DLC1: variants seen among roughly 807,000 people sequenced by gnomAD.
DLC1 encodes the protein rho GTPase-activating protein 7.
DLC1 carries 54 observed loss-of-function variants against 140.3 expected under a neutral mutation model. The observed-to-expected ratio is 0.38, with a 90% CI of 0.31 to 0.48. The LOEUF is 0.48. DLC1 is among the 20% of genes least tolerant of loss of function. DLC1 has a pLI of 0.96. For missense variants in DLC1, 2,536 were observed against 1,907.0 expected (o/e 1.33, Z -6.14); for synonymous variants, 986 against 728.1 (o/e 1.35, Z -5.70).
chr8:13,596,066 A>C (rs1185004350), intron 1 of DLC1, among the ~76,000 whole-genome samples: 1 of 152,084 alleles, frequency 6.6e-6, no homozygotes, highest in Non-Finnish European at 1.5e-5. Context: ...AATAAGTTTT[A>C]AACTAAGTTT....
At chr8:13,217,850 AC>A (rs200495947) in intron 5 of DLC1, among the ~76,000 whole-genome samples, 7,833 of 139,018 alleles carry the variant, frequency 0.056, 496 homozygotes, top group African/African-American at 0.16. Flanking sequence ...AAAAAAAACA[AC>A]AACAAAAAAA....
At position 13,085,383 on chromosome 8, in the gene DLC1, A is replaced by C. The variant is rs966849849; in HGVS notation, c.*428T>G. On this transcript the variant is annotated 3_prime_UTR_variant, in exon 18 of 18. Coordinates refer to ENST00000276297, the MANE Select transcript of DLC1 (RefSeq NM_182643.3). ...CCTCTGTGCAAACCTTTCTTTGCTCATCTTGGTGAGAAAACACATCCAAGA... is the reference window on the plus strand; with the variant it reads ...CCTCTGTGCAAACCTTTCTTTGCTCCTCTTGGTGAGAAAACACATCCAAGA... The C allele has an allele frequency of 6.4e-6, 1 of 156,410 alleles. No homozygotes were observed. Among genetic ancestry groups the C allele is most frequent in the South Asian group, 2.0e-4 (1 of 5,046 alleles). The allele number at this position is 156,410 out of a possible 1,614,324, so 9.7% of individuals were successfully genotyped here.
chr8:13,453,412 ATATATATATATGTGTATATATATATG>A (rs1563359596), intron 2 of DLC1, among the ~76,000 whole-genome samples: 5 of 52,138 alleles, frequency 9.6e-5, no homozygotes, highest in African/African-American at 5.9e-4. Context: ...GTGTATATAT[ATATATATATATGTGTATATATATATG>A]TATATATATA....
At chr8:13,553,212 ATATATATATATATATG>A (rs1187853625) in intron 1 of DLC1, among the ~76,000 whole-genome samples, 3,494 of 70,570 alleles carry the variant, frequency 0.05, 117 homozygotes, top group Non-Finnish European at 0.06. Flanking sequence ...TCATATATAT[ATATATATATATATATG>A]TATATATATA....
At chr8:13,543,471 C>A (rs926153496) in intron 1 of DLC1, among the ~76,000 whole-genome samples, 1 of 152,188 alleles carries the variant, frequency 6.6e-6, no homozygotes, top group African/African-American at 2.4e-5. Context: ...AATTGTAGAT[C>A]TATTTTTAGT....
intron 4 of DLC1, among the ~76,000 whole-genome samples, chr8:13,360,328 C>T (rs1311559617): frequency 2.0e-5 from 3 of 152,172 alleles, no homozygotes; most frequent in African/African-American, 7.2e-5. Flanking sequence ...CTGCCAGGGC[C>T]TCACTGCAAA....
chr8:13,495,151 A>G (rs1482123420), intron 2 of DLC1, among the ~76,000 whole-genome samples: 1 of 152,230 alleles, frequency 6.6e-6, no homozygotes, highest in Admixed American at 6.5e-5. Flanking sequence ...GCAAATAAAC[A>G]TATGTTCAGA....
intron 4 of DLC1, among the ~76,000 whole-genome samples, chr8:13,379,052 A>G (rs1046516207): frequency 3.7e-4 from 56 of 152,226 alleles, no homozygotes; most frequent in African/African-American, 1.3e-3. Flanking sequence ...TGGTTTGATG[A>G]TAACATTTTA....
At chr8:13,323,532 G>T (rs1833213438) in intron 4 of DLC1, among the ~76,000 whole-genome samples, 1 of 152,064 alleles carries the variant, frequency 6.6e-6, no homozygotes, top group Non-Finnish European at 1.5e-5. Context: ...TGCTTGGGTT[G>T]ATGGTCATCC....
Position 13,263,794 on chromosome 8 carries a change from T to C in DLC1, c.1348+41475A>G, listed in dbSNP as rs955398893. ...TAATGATTAGCATTCTAATATACCA[T>C]TGGTGGATGTGTAATATATGTTGAA... On this transcript the variant is annotated intron_variant, in intron 5 of 17. Transcript: ENST00000276297. 2.3e-4 allele frequency among the ~76,000 whole-genome samples: 35 copies of C among 151,746 alleles called. 1 individual carries two copies. The highest frequency in any genetic ancestry group is 1.5e-3 in the South Asian group (7 of 4,816).
intron 5 of DLC1, among the ~76,000 whole-genome samples, chr8:13,198,803 A>T (rs190990906): frequency 7.3e-5 from 11 of 150,250 alleles, no homozygotes; most frequent in African/African-American, 2.7e-4. Flanking sequence ...TGCAACCCCT[A>T]CCTCCTGGGT....
intron 4 of DLC1, among the ~76,000 whole-genome samples, chr8:13,312,386 A>AAAAAAAAAAAAAATAATAAT (rs71207139): frequency 1.2e-3 from 102 of 81,696 alleles, no homozygotes; most frequent in Non-Finnish European, 1.8e-3. Flanking sequence ...AAAAAAAAAA[A>AAAAAAAAAAAAAATAATAAT]AATAATTTCT....
At chr8:13,351,675 G>A (rs1729129) in intron 4 of DLC1, among the ~76,000 whole-genome samples, 1 of 152,170 alleles carries the variant, frequency 6.6e-6, no homozygotes, top group Non-Finnish European at 1.5e-5. Context: ...AATTGAATAC[G>A]TGGGACAGAG....
chr8:13,280,013 C>T (rs910111484), intron 5 of DLC1, among the ~76,000 whole-genome samples: 1 of 151,848 alleles, frequency 6.6e-6, no homozygotes, highest in Non-Finnish European at 1.5e-5. Context: ...GGTGCGGTGG[C>T]TCACACCTGT....
intron 1 of DLC1, among the ~76,000 whole-genome samples, chr8:13,545,662 T>C (rs1312106180): frequency 6.6e-6 from 1 of 152,154 alleles, no homozygotes; most frequent in African/African-American, 2.4e-5. Context: ...ATGATACTAA[T>C]AATGACAAAG....
At chr8:13,269,275 C>G (rs989954981) in intron 5 of DLC1, among the ~76,000 whole-genome samples, 3 of 152,188 alleles carry the variant, frequency 2.0e-5, no homozygotes, top group African/African-American at 7.2e-5. Context: ...GGCTGAATAA[C>G]TGTTGTTTTC....
intron 4 of DLC1, among the ~76,000 whole-genome samples, chr8:13,334,089 T>A (rs1163556711): frequency 2.0e-5 from 3 of 151,910 alleles, no homozygotes; most frequent in African/African-American, 7.3e-5. Context: ...GAGCGAGGGA[T>A]GCTTGGAGAG....
intron 2 of DLC1, among the ~76,000 whole-genome samples, chr8:13,462,395 TC>T (rs374117426): frequency 6.7e-6 from 1 of 149,320 alleles, no homozygotes. Flanking sequence ...CCATTACTAT[TC>T]TTTTTTTTTT....
chr8:13,141,654 C>T (rs758032621), intron 5 of DLC1, among the ~76,000 whole-genome samples: 3 of 152,146 alleles, frequency 2.0e-5, no homozygotes, highest in Admixed American at 6.5e-5. Context: ...TCCCTTTCTT[C>T]GCTGCTAACT....
Sources: gnomAD v4.1 joint callset for allele counts (sites outside exome capture counted in the v4.1 genomes callset) on GRCh38, gnomAD v4.1.1 for gene constraint, MANE v1.5 for transcripts, NCBI Gene and HGNC (gene_info 2026-07-23, HGNC 2026-07-21) for gene names.